The following FREM1 variants were observed in gnomAD, a reference collection of about 807,000 sequenced individuals.
FREM1 encodes the protein FRAS1-related extracellular matrix protein 1.
FREM1 carries 220 observed loss-of-function variants against 210.1 expected under a neutral mutation model. The observed-to-expected ratio is 1.05, with a 90% CI of 0.94 to 1.17. FREM1 has a LOEUF of 1.17. Ranked by LOEUF, FREM1 falls within the 50% of genes most tolerant of loss-of-function variation. The pLI is 0.00. For missense variants in FREM1, 3,454 were observed against 2,675.5 expected (o/e 1.29, Z -6.42); for synonymous variants, 1,189 against 980.2 (o/e 1.21, Z -3.98).
intron 1 of FREM1, among the ~76,000 whole-genome samples, chr9:14,908,318 A>C (rs1479218885): frequency 6.6e-6 from 1 of 152,178 alleles, no homozygotes; most frequent in East Asian, 1.9e-4. Flanking sequence ...AGCTCAGTTT[A>C]CCCAAACTCA....
At chr9:14,748,013 A>G (rs1172884359) in intron 31 of FREM1, among the ~76,000 whole-genome samples, 1 of 152,126 alleles carries the variant, frequency 6.6e-6, no homozygotes, top group Non-Finnish European at 1.5e-5. Flanking sequence ...ACACACACAC[A>G]CGCGTGTGCA....
At chr9:14,850,974 C>T (rs10125920) in intron 6 of FREM1, among the ~76,000 whole-genome samples, 2,822 of 152,290 alleles carry the variant, frequency 0.019, 94 homozygotes, top group African/African-American at 0.064. Context: ...TTTCTCTTGG[C>T]ACATGAGTGC....
At chr9:14,864,509 C>G (rs1831162547) in intron 2 of FREM1, among the ~76,000 whole-genome samples, 1 of 152,184 alleles carries the variant, frequency 6.6e-6, no homozygotes, top group Admixed American at 6.5e-5. Context: ...TAGGCAATAG[C>G]AGAAATGGCA....
At chr9:14,755,605 G>T (rs1844197945) in intron 29 of FREM1, among the ~76,000 whole-genome samples, 1 of 152,186 alleles carries the variant, frequency 6.6e-6, no homozygotes, top group Non-Finnish European at 1.5e-5. Context: ...AAGATGGCCG[G>T]GCTCCAGCCT....
At chr9:14,765,123 G>C (rs1288552399) in intron 27 of FREM1, among the ~76,000 whole-genome samples, 1 of 152,138 alleles carries the variant, frequency 6.6e-6, no homozygotes, top group Non-Finnish European at 1.5e-5. Flanking sequence ...TAATCAAGTA[G>C]CATGTGACAA....
Position 14,848,723 on chromosome 9 carries a change from T to G in FREM1, c.1203A>C (p.Thr401=). 1 of 1,613,278 alleles carries G rather than the reference T, an allele frequency of 6.2e-7. No homozygotes were observed. The highest frequency in any genetic ancestry group is 8.5e-7 in the Non-Finnish European group (1 of 1,179,308). ...DFFFERSAPM[T]VHISIRTADT... ...CTGCTGTTCTGATGGAGATGTGGAC[T>G]GTCATAGGTGCACTCCTTTCAAAGA... The change falls in exon 7 of 37, where the codon ACA becomes ACC. Residue 401 remains threonine, a synonymous_variant. Coordinates refer to ENST00000380880, the MANE Select transcript of FREM1 (RefSeq NM_001379081.2).
chr9:14,770,583 T>A (rs1015382312), intron 26 of FREM1, 22 bp downstream of exon 26: 1 of 1,583,674 alleles, frequency 6.3e-7, no homozygotes, highest in Non-Finnish European at 8.7e-7. Context: ...ATGGCAATTG[T>A]AAGGATTAAG....
chr9:14,909,566 C>G (rs886825354), intron 1 of FREM1, among the ~76,000 whole-genome samples: 5 of 152,214 alleles, frequency 3.3e-5, no homozygotes, highest in Middle Eastern at 3.2e-3. Context: ...TGTCTTTTCC[C>G]TTTGCCATTT....
At chr9:14,868,635 T>C in intron 2 of FREM1, 109 bp downstream of exon 2, 1 of 717,104 alleles carries the variant, frequency 1.4e-6, no homozygotes, top group Non-Finnish European at 2.4e-6. Flanking sequence ...ATACTCGTCT[T>C]TGATGGCTTG....
At chr9:14,899,016 C>T (rs1838288132) in intron 1 of FREM1, among the ~76,000 whole-genome samples, 1 of 152,192 alleles carries the variant, frequency 6.6e-6, no homozygotes, top group East Asian at 1.9e-4. Context: ...TGACATGCCT[C>T]ATGGTTCAGG....
intron 16 of FREM1, among the ~76,000 whole-genome samples, chr9:14,810,633 A>G (rs1819228614): frequency 6.6e-6 from 1 of 152,220 alleles, no homozygotes; most frequent in African/African-American, 2.4e-5. Context: ...ATGGACTTTC[A>G]TATAGTAAGA....
At chr9:14,874,358 G>A (rs1295061675) in intron 1 of FREM1, among the ~76,000 whole-genome samples, 2 of 150,370 alleles carry the variant, frequency 1.3e-5, no homozygotes, top group African/African-American at 2.5e-5. Context: ...CTCCTGTATT[G>A]GGTGCATATA....
chr9:14,812,791 G>C, intron 16 of FREM1, 21 bp downstream of exon 16: 1 of 1,582,584 alleles, frequency 6.3e-7, no homozygotes, highest in Non-Finnish European at 8.6e-7. Flanking sequence ...TTCCCTCACT[G>C]GTCACCATGC....
intron 1 of FREM1, among the ~76,000 whole-genome samples, chr9:14,883,315 C>T (rs1460869382): frequency 6.6e-6 from 1 of 152,160 alleles, no homozygotes; most frequent in East Asian, 1.9e-4. Context: ...AAACAAAACT[C>T]ATCCTTCAAT....
At chr9:14,796,608 T>C (rs1033079771) in intron 21 of FREM1, among the ~76,000 whole-genome samples, 1 of 152,202 alleles carries the variant, frequency 6.6e-6, no homozygotes, top group African/African-American at 2.4e-5. Flanking sequence ...AGGGACCAGG[T>C]AGAGATAATT....
intron 1 of FREM1, among the ~76,000 whole-genome samples, chr9:14,897,814 G>A (rs13288213): frequency 6.5e-4 from 99 of 152,138 alleles, no homozygotes; most frequent in African/African-American, 2.3e-3. Flanking sequence ...GGCTGGTCTC[G>A]AACTCCTGTC....
chr9:14,816,861 C>T lies in FREM1; in HGVS notation c.2557G>A (p.Asp853Asn). Reference protein sequence around the residue: ...LHTLKVRYQHDGTEVLQDDLL... With the variant: ...LHTLKVRYQHNGTEVLQDDLL... The stretch of plus-strand genomic sequence containing the variant: ...TCATCCTGAAGAACTTCAGTTCCAT[C>T]ATGTTGATACCTGTGGGGATAATAT... Residue 853 changes from aspartate (D) to asparagine (N), a missense_variant, in exon 15 of 37, where the codon GAT becomes AAT. Coordinates refer to ENST00000380880, the MANE Select transcript of FREM1 (RefSeq NM_001379081.2). 1 of 1,358,918 alleles carries T rather than the reference C, an allele frequency of 7.4e-7. No individual in the cohort carries two copies. Among genetic ancestry groups the T allele is most frequent in the African/African-American group, 1.4e-5 (1 of 70,952 alleles). 84.2% of individuals were successfully genotyped at this position (1,358,918 alleles called of 1,614,324 possible).
intron 1 of FREM1, among the ~76,000 whole-genome samples, chr9:14,872,982 C>T (rs1426639553): frequency 1.1e-3 from 160 of 150,278 alleles, no homozygotes; most frequent in African/African-American, 3.7e-3. Flanking sequence ...TATTGATTTG[C>T]GTATATTGAA....
intron 24 of FREM1, among the ~76,000 whole-genome samples, chr9:14,781,316 T>C (rs939373483): frequency 6.6e-6 from 1 of 152,224 alleles, no homozygotes; most frequent in African/African-American, 2.4e-5. Context: ...TTCCTATGTG[T>C]AAATAAGGGA....
Sources: allele counts gnomAD v4.1 joint callset (sites outside exome capture counted in the v4.1 genomes callset), GRCh38; gene constraint gnomAD v4.1.1; transcripts MANE v1.5; gene names NCBI Gene and HGNC (gene_info 2026-07-23, HGNC 2026-07-21).